C16orf87: variants seen among roughly 807,000 people sequenced by gnomAD.
C16orf87 encodes HDAC and MIER1 interacting protein 1.
In C16orf87, 13 loss-of-function variants were observed where a neutral mutation model predicts 21.0. That is an observed-to-expected ratio of 0.62 (90% CI 0.40 to 0.98). C16orf87 has a LOEUF of 0.98. Among genes scored for constraint, C16orf87 ranks in the 50% least tolerant of loss-of-function variants. The probability of loss-of-function intolerance (pLI) is 0.00; values close to 1 mark genes in which losing one functional copy is unlikely to be tolerated. For missense variants in C16orf87, 113 were observed against 180.4 expected, an observed-to-expected ratio of 0.63 and a Z score of 2.14; for synonymous variants, 49 against 60.2, an observed-to-expected ratio of 0.81 and a Z score of 0.86.
chr16:46,805,668 T>A (rs1312388134), intron 3 of C16orf87, among the ~76,000 whole-genome samples: 1 of 152,212 alleles, frequency 6.6e-6, no homozygotes, highest in Non-Finnish European at 1.5e-5. Flanking sequence ...AATATGCTCA[T>A]ATTTAGGAGA....
At chr16:46,818,359 C>T (rs772784959) in intron 2 of C16orf87, among the ~76,000 whole-genome samples, 12 of 152,072 alleles carry the variant, frequency 7.9e-5, no homozygotes, top group Admixed American at 1.3e-4. Context: ...CACTTATGAA[C>T]GTCTTTGCTT....
In C16orf87 at chr16:46,799,420, A is replaced by C. The variant is rs925437881; in HGVS notation, c.*3532T>G. The C allele has an allele frequency of 2.0e-5, 3 of 152,244 alleles. No individual in the cohort carries two copies. Among genetic ancestry groups the C allele is most frequent in the African/African-American group, 7.2e-5 (3 of 41,470 alleles). 9.4% of individuals were successfully genotyped at this position (152,244 alleles called of 1,614,324 possible). On this transcript the variant is annotated 3_prime_UTR_variant, in exon 4 of 4. Transcript: ENST00000285697. ...GCACAGAAAAAACTTTAATTAACTT[A>C]AATAAGAGATTTGTTAACAACAATA...
chr16:46,804,835 T>C (rs1200807557), intron 3 of C16orf87, among the ~76,000 whole-genome samples: 1 of 152,222 alleles, frequency 6.6e-6, no homozygotes, highest in African/African-American at 2.4e-5. Flanking sequence ...GTTCCTAAAC[T>C]TCATATAAAT....
chr16:46,830,179 C>T (rs1011990102), intron 1 of C16orf87, among the ~76,000 whole-genome samples: 1 of 151,230 alleles, frequency 6.6e-6, no homozygotes, highest in Admixed American at 6.6e-5. Flanking sequence ...TTTTAAATTA[C>T]AACTATTACA....
At chr16:46,813,004 CT>C (rs1273567000) in intron 2 of C16orf87, among the ~76,000 whole-genome samples, 2 of 152,148 alleles carry the variant, frequency 1.3e-5, no homozygotes, top group African/African-American at 4.8e-5. Flanking sequence ...TGCCCTTCCC[CT>C]AGGTGCTTTC....
At chr16:46,820,919 G>T (rs539201213) in intron 2 of C16orf87, among the ~76,000 whole-genome samples, 2 of 152,228 alleles carry the variant, frequency 1.3e-5, no homozygotes, top group African/African-American at 4.8e-5. Context: ...TGTTTCAACC[G>T]CATTTCCCTG....
rs1456484730 is a variant in C16orf87, at chr16:46,798,894, A to G, written c.*4058T>C. Reference sequence around the variant, plus strand: ...AAAACTTCCAACAAGCAGAAATAAAAGAGTCTACCCTCAATCTACTAAAGG... The same window carrying G: ...AAAACTTCCAACAAGCAGAAATAAAGGAGTCTACCCTCAATCTACTAAAGG... On this transcript the variant is annotated 3_prime_UTR_variant, in exon 4 of 4. Coordinates refer to ENST00000285697, the MANE Select transcript of C16orf87 (RefSeq NM_001001436.4). 6.6e-6 allele frequency: 1 copy of G among 152,230 alleles called. No homozygotes were observed. The highest frequency in any genetic ancestry group is 1.5e-5 in the Non-Finnish European group (1 of 68,052). 9.4% of individuals were successfully genotyped at this position (152,230 alleles called of 1,614,324 possible).
At chr16:46,829,916 T>C (rs1959775570) in intron 1 of C16orf87, among the ~76,000 whole-genome samples, 1 of 145,972 alleles carries the variant, frequency 6.9e-6, no homozygotes, top group Admixed American at 6.9e-5. Context: ...CCATTTCAAA[T>C]TACTCTTGAT....
At position 46,801,575 on chromosome 16, in the gene C16orf87, T is replaced by TA. The variant is rs1415970472; in HGVS notation, c.*1376dup. On this transcript the variant is annotated 3_prime_UTR_variant, in exon 4 of 4. Coordinates refer to ENST00000285697, the MANE Select transcript of C16orf87 (RefSeq NM_001001436.4). ...AGTTGCAGTAGTACCTGCAGATAGA[T>TA]ACAGGGATTAAAGGAAAAGGAATCC... The TA allele has an allele frequency of 1.3e-5, 2 of 152,212 alleles. No homozygotes were observed. The highest frequency in any genetic ancestry group is 4.8e-5 in the African/African-American group (2 of 41,444). 9.4% of individuals were successfully genotyped at this position (152,212 alleles called of 1,614,324 possible). A position where few individuals can be genotyped will look rare whatever the true frequency, so the allele number is the denominator to read the frequency against.
intron 2 of C16orf87, among the ~76,000 whole-genome samples, chr16:46,814,802 A>G (rs1968192501): frequency 6.6e-6 from 1 of 152,158 alleles, no homozygotes; most frequent in Admixed American, 6.6e-5. Context: ...AAAACATTCT[A>G]ATGCATACCT....
chr16:46,811,022 G>T (rs947303449), intron 2 of C16orf87, among the ~76,000 whole-genome samples: 1 of 152,162 alleles, frequency 6.6e-6, no homozygotes, highest in Non-Finnish European at 1.5e-5. Context: ...CAAGAACAAA[G>T]CATTTCTTCT....
intron 2 of C16orf87, among the ~76,000 whole-genome samples, chr16:46,822,476 TA>T (rs1231000556): frequency 6.6e-6 from 1 of 152,190 alleles, no homozygotes; most frequent in Non-Finnish European, 1.5e-5. Context: ...AATGCATTTT[TA>T]ACAAGTTCTC....
intron 2 of C16orf87, among the ~76,000 whole-genome samples, chr16:46,817,575 C>A (rs928780282): frequency 1.3e-5 from 2 of 152,020 alleles, no homozygotes; most frequent in African/African-American, 4.8e-5. Context: ...GTAATCCCAA[C>A]TACTAGGGAG....
chr16:46,821,058 T>C (rs1959395162), intron 2 of C16orf87, among the ~76,000 whole-genome samples: 1 of 152,184 alleles, frequency 6.6e-6, no homozygotes, highest in Non-Finnish European at 1.5e-5. Flanking sequence ...ACTTGATAAA[T>C]TGTAGTGACC....
chr16:46,811,578 T>C (rs1006901531), intron 2 of C16orf87, among the ~76,000 whole-genome samples: 4 of 143,822 alleles, frequency 2.8e-5, no homozygotes, highest in African/African-American at 8.1e-5. Context: ...ACCTATTAAG[T>C]AGTCTTGTAA....
At chr16:46,810,780 C>T (rs902636829) in intron 2 of C16orf87, among the ~76,000 whole-genome samples, 3 of 152,054 alleles carry the variant, frequency 2.0e-5, no homozygotes, top group African/African-American at 7.2e-5. Flanking sequence ...ATTTAATTAT[C>T]CCAGATTGCA....
chr16:46,804,695 T>A (rs969721813), intron 3 of C16orf87, among the ~76,000 whole-genome samples: 7 of 152,208 alleles, frequency 4.6e-5, no homozygotes, highest in Admixed American at 4.6e-4. Flanking sequence ...TACAAACATG[T>A]AACCCATGTC....
At chr16:46,828,984 T>C (rs1245737954) in intron 1 of C16orf87, among the ~76,000 whole-genome samples, 1 of 152,208 alleles carries the variant, frequency 6.6e-6, no homozygotes, top group Non-Finnish European at 1.5e-5. Context: ...CATTAAATTA[T>C]GTACTAGTTT....
In C16orf87 at chr16:46,799,930, T is replaced by C. The variant is rs1967722300; in HGVS notation, c.*3022A>G. On this transcript the variant is annotated 3_prime_UTR_variant, in exon 4 of 4. Coordinates refer to ENST00000285697, the MANE Select transcript of C16orf87 (RefSeq NM_001001436.4). ...TTGGGATTACAGGTGTAAGCCACCATGCCTGGCCAATTAATACTTTATATA... is the reference window on the plus strand; with the variant it reads ...TTGGGATTACAGGTGTAAGCCACCACGCCTGGCCAATTAATACTTTATATA... 1 of 152,216 alleles carries C rather than the reference T, an allele frequency of 6.6e-6. No homozygotes were observed. The highest frequency in any genetic ancestry group is 1.5e-5 in the Non-Finnish European group (1 of 68,036). 9.4% of individuals were successfully genotyped at this position (152,216 alleles called of 1,614,324 possible).
Sources: allele counts gnomAD v4.1 joint callset (sites outside exome capture counted in the v4.1 genomes callset), GRCh38; gene constraint gnomAD v4.1.1; transcripts MANE v1.5; gene names NCBI Gene and HGNC (gene_info 2026-07-23, HGNC 2026-07-21).